The following CADM2 variants were observed in gnomAD, a reference collection of about 807,000 sequenced individuals.
The protein encoded by CADM2 is cell adhesion molecule 2.
CADM2 carries 12 observed loss-of-function variants against 49.8 expected under a neutral mutation model. The ratio of observed to expected loss-of-function variants is 0.24; its 90% CI spans 0.15 to 0.39. CADM2 has a LOEUF of 0.39. Ranked by LOEUF, CADM2 falls within the 10% of genes least tolerant of loss-of-function variation. CADM2 has a pLI of 1.00. For missense variants in CADM2, 378 were observed against 492.3 expected (o/e 0.77, Z 2.20); for synonymous variants, 214 against 175.4 (o/e 1.22, Z -1.74).
rs1475278266 is a variant in CADM2 at position 85,134,005 on chromosome 3, C to A, written c.61+174337C>A. 2.6e-5 allele frequency among the ~76,000 whole-genome samples: 4 copies of A among 152,318 alleles called. No homozygotes were observed. The East Asian group carries it at 7.7e-4, about 29-fold the overall frequency. ...GGGCTGCAGGTCCCGAGCCCTGCCCCGCGGGAAGGCAGCTAAGGCCCGGTG... is the reference window on the plus strand; with the variant it reads ...GGGCTGCAGGTCCCGAGCCCTGCCCAGCGGGAAGGCAGCTAAGGCCCGGTG... On this transcript the variant is annotated intron_variant, in intron 1 of 9. Transcript: ENST00000383699.
chr3:85,387,814 A>T (rs2034314941), intron 1 of CADM2, among the ~76,000 whole-genome samples: 1 of 152,202 alleles, frequency 6.6e-6, no homozygotes, highest in Non-Finnish European at 1.5e-5. Flanking sequence ...TGGACACAGA[A>T]ATTTAAAGAT....
At chr3:85,273,840 T>G (rs1433269483) in intron 1 of CADM2, among the ~76,000 whole-genome samples, 5 of 151,106 alleles carry the variant, frequency 3.3e-5, no homozygotes, top group East Asian at 1.9e-4. Context: ...AACCATGATA[T>G]TGGATGAAAT....
chr3:85,080,285 A>G (rs147140450), intron 1 of CADM2, among the ~76,000 whole-genome samples: 56 of 152,096 alleles, frequency 3.7e-4, no homozygotes, highest in African/African-American at 4.8e-5. Flanking sequence ...TTATGTGAGT[A>G]TTTCACTGTG....
At chr3:85,575,663 C>T (rs1318111821) in intron 1 of CADM2, among the ~76,000 whole-genome samples, 1 of 152,152 alleles carries the variant, frequency 6.6e-6, no homozygotes, top group Non-Finnish European at 1.5e-5. Flanking sequence ...GATTATAGAA[C>T]ATGGCTTAAT....
chr3:85,216,540 A>G (rs2041934136), intron 1 of CADM2, among the ~76,000 whole-genome samples: 1 of 151,884 alleles, frequency 6.6e-6, no homozygotes, highest in African/African-American at 2.4e-5. Flanking sequence ...ATGCCCAGAA[A>G]GCCACATCTT....
chr3:85,925,998 G>A (rs1227990465), intron 6 of CADM2, among the ~76,000 whole-genome samples: 3 of 151,810 alleles, frequency 2.0e-5, no homozygotes, highest in Non-Finnish European at 4.4e-5. Flanking sequence ...ATGACCGGGC[G>A]TGGTGGAAGA....
chr3:85,176,381 A>G (rs891777889), intron 1 of CADM2, among the ~76,000 whole-genome samples: 3 of 152,208 alleles, frequency 2.0e-5, no homozygotes, highest in Non-Finnish European at 4.4e-5. Flanking sequence ...TATAAACTAA[A>G]GCAAAAATAG....
At chr3:85,105,609 A>G (rs2038190145) in intron 1 of CADM2, among the ~76,000 whole-genome samples, 1 of 152,166 alleles carries the variant, frequency 6.6e-6, no homozygotes, top group Non-Finnish European at 1.5e-5. Context: ...TACCCAAGGG[A>G]CTATAAATCA....
chr3:85,080,680 A>C (rs924083255), intron 1 of CADM2, among the ~76,000 whole-genome samples: 2 of 152,064 alleles, frequency 1.3e-5, no homozygotes, highest in Non-Finnish European at 2.9e-5. Context: ...TTTTTATCAC[A>C]TATTTGGGTA....
At chr3:86,012,579 GC>G in intron 8 of CADM2, 1 of 1,558,756 alleles carries the variant, frequency 6.4e-7, no homozygotes, top group South Asian at 1.2e-5. Context: ...CTTCTGCGCT[GC>G]CCCCAACTGC....
At chr3:85,979,144 A>AT (rs778343294) in intron 8 of CADM2, 35 of 1,600,772 alleles carry the variant, frequency 2.2e-5, no homozygotes, top group Non-Finnish European at 2.3e-5. Flanking sequence ...TTTTGTTTAT[A>AT]TTTTTTTTCC....
intron 8 of CADM2, among the ~76,000 whole-genome samples, chr3:86,064,855 A>G (rs1194023830): frequency 6.6e-6 from 1 of 152,182 alleles, no homozygotes; most frequent in Non-Finnish European, 1.5e-5. Context: ...TCTCTTTCCA[A>G]TCACTTTCTC....
chr3:84,973,324 A>G (rs560305854), intron 1 of CADM2, among the ~76,000 whole-genome samples: 58 of 152,270 alleles, frequency 3.8e-4, no homozygotes, highest in Non-Finnish European at 6.8e-4. Context: ...CTTTACAACA[A>G]TGCTGTAAAC....
At chr3:85,116,645 C>T (rs767099945) in intron 1 of CADM2, among the ~76,000 whole-genome samples, 1 of 151,950 alleles carries the variant, frequency 6.6e-6, no homozygotes, top group Non-Finnish European at 1.5e-5. Flanking sequence ...ATATTTATTG[C>T]TTATTATTTT....
intron 1 of CADM2, among the ~76,000 whole-genome samples, chr3:85,645,384 C>G (rs1255657855): frequency 1.3e-5 from 2 of 151,912 alleles, no homozygotes; most frequent in East Asian, 3.9e-4. Flanking sequence ...GTACCAAATA[C>G]AATTTTCTAG....
intron 1 of CADM2, among the ~76,000 whole-genome samples, chr3:85,508,454 A>G (rs2040455453): frequency 3.9e-5 from 6 of 152,206 alleles, no homozygotes; most frequent in Admixed American, 3.3e-4. Context: ...CAGAGACTAC[A>G]CTTTAAAAAG....
At chr3:85,622,868 T>G (rs66568921) in intron 1 of CADM2, among the ~76,000 whole-genome samples, 50,652 of 151,950 alleles carry the variant, frequency 0.33, 9,117 homozygotes, top group East Asian at 0.61. Flanking sequence ...CTGCAAATTT[T>G]TTTTGTTTTG....
intron 3 of CADM2, among the ~76,000 whole-genome samples, chr3:85,867,775 C>T (rs1302293080): frequency 6.6e-6 from 1 of 151,984 alleles, no homozygotes; most frequent in Admixed American, 6.6e-5. Flanking sequence ...GGTATCTGAT[C>T]TTGAATAGTG....
At chr3:84,973,730 CA>C (rs11306839) in intron 1 of CADM2, among the ~76,000 whole-genome samples, 51,392 of 151,832 alleles carry the variant, frequency 0.34, 8,956 homozygotes, top group Middle Eastern at 0.38. Flanking sequence ...GCTGATGCCT[CA>C]GGGAAAACAT....
Sources: gnomAD v4.1 joint callset for allele counts (sites outside exome capture counted in the v4.1 genomes callset) on GRCh38, gnomAD v4.1.1 for gene constraint, MANE v1.5 for transcripts, NCBI Gene and HGNC (gene_info 2026-07-23, HGNC 2026-07-21) for gene names.